CCDC62: variants seen among roughly 807,000 people sequenced by gnomAD.
CCDC62 encodes coiled-coil domain-containing protein 62.
CCDC62 carries 72 observed loss-of-function variants against 80.8 expected under a neutral mutation model. The ratio of observed to expected loss-of-function variants is 0.89; its 90% CI spans 0.74 to 1.08. CCDC62 has a LOEUF of 1.08. CCDC62 is among the 50% of genes least tolerant of loss of function. CCDC62 has a pLI of 0.00. For synonymous variants in CCDC62, 286 were observed against 296.5 expected (o/e 0.96, Z 0.36); for missense variants, 704 against 809.4 (o/e 0.87, Z 1.58).
At chr12:122,810,161 C>T (rs1266685540) in intron 10 of CCDC62, among the ~76,000 whole-genome samples, 7 of 151,562 alleles carry the variant, frequency 4.6e-5, no homozygotes, top group East Asian at 1.9e-4. Context: ...AAGCCAAAAT[C>T]GGCAAATGGG....
Position 122,777,693 on chromosome 12 carries a change from A to G in CCDC62, c.229+10A>G. ...TGCAGCAAATTAGAAGGTCAGAAAT[A>G]CATTCAGGGACAACAGTTATGCACT... is the stretch of plus-strand genomic sequence containing the variant. On this transcript the variant is annotated intron_variant, in intron 2 of 12. Coordinates refer to ENST00000253079, the MANE Select transcript of CCDC62 (RefSeq NM_201435.5). 1 of 1,611,118 alleles carries G rather than the reference A, an allele frequency of 6.2e-7. No individual in the cohort carries two copies. Among genetic ancestry groups the G allele is most frequent in the East Asian group, 2.2e-5 (1 of 44,854 alleles).
intron 5 of CCDC62, 72 bp from the exon 6 acceptor site, chr12:122,791,946 GTT>G (rs2030635665): frequency 1.0e-5 from 10 of 971,838 alleles, no homozygotes; most frequent in Non-Finnish European, 1.6e-5. Flanking sequence ...GGATGTGAGA[GTT>G]AGGCATAGTG....
At chr12:122,779,091 G>A (rs904035908) in intron 2 of CCDC62, among the ~76,000 whole-genome samples, 7 of 152,248 alleles carry the variant, frequency 4.6e-5, no homozygotes, top group Admixed American at 2.0e-4. Flanking sequence ...CACATTATAT[G>A]TAGCCATCAG....
intron 2 of CCDC62, among the ~76,000 whole-genome samples, chr12:122,780,266 G>A (rs547131066): frequency 1.3e-5 from 2 of 148,468 alleles, no homozygotes; most frequent in African/African-American, 5.0e-5. Context: ...AGCCGAGATC[G>A]TGCCGTTGCC....
intron 5 of CCDC62, among the ~76,000 whole-genome samples, 164 bp from the exon 6 acceptor site, chr12:122,791,856 G>C (rs909168060): frequency 3.3e-5 from 5 of 152,212 alleles, no homozygotes; most frequent in African/African-American, 1.2e-4. Flanking sequence ...CTCCAACCAG[G>C]GGTCCTTGCC....
intron 2 of CCDC62, 138 bp downstream of exon 2, chr12:122,777,821 C>A: frequency 1.4e-6 from 1 of 716,418 alleles, no homozygotes. Context: ...GACAGGAGGA[C>A]TTTATGAACA....
In CCDC62 at chr12:122,792,098, T is replaced by A; in HGVS notation, c.749T>A (p.Leu250Gln). The A allele has an allele frequency of 6.2e-7, 1 of 1,612,088 alleles. No individual in the cohort carries two copies. The highest frequency in any genetic ancestry group is 1.3e-5 in the African/African-American group (1 of 75,014). ...CGCCTCAAGCAAGAGAAAAGTTGCC[T>A]GCACGATGAATTGCTTTTTACTGGT... ...IIRLKQEKSC[L>Q]HDELLFTVER... is the part of the protein sequence containing the mutation. Residue 250 changes from leucine (L) to glutamine (Q), a missense_variant, in exon 6 of 13, where the codon CTG becomes CAG. By Grantham distance (113) the Leu-to-Gln change is moderately radical. Coordinates refer to ENST00000253079, the MANE Select transcript of CCDC62 (RefSeq NM_201435.5).
intron 8 of CCDC62, among the ~76,000 whole-genome samples, chr12:122,799,993 T>C (rs976700753): frequency 6.6e-6 from 1 of 152,038 alleles, no homozygotes; most frequent in Non-Finnish European, 1.5e-5. Flanking sequence ...ACTGGCTCTT[T>C]CTTCTTTTTC....
rs753064099 is a variant in CCDC62 at position 122,813,285 on chromosome 12, C to T, written c.1867C>T (p.Pro623Ser). Reference sequence around the variant, plus strand: ...TTTCCTGTAGGCTTCAATTGTGTTACCCTCCCAGGATGATTTCTCGCCCAC... The same window carrying T: ...TTTCCTGTAGGCTTCAATTGTGTTATCCTCCCAGGATGATTTCTCGCCCAC... The part of the protein sequence containing the change: ...AFNEKASIVL[P>S]SQDDFSPTSK... Residue 623 changes from proline (P) to serine (S), a missense_variant, in exon 11 of 13, where the codon CCC (proline) becomes TCC (serine). Coordinates refer to ENST00000253079, the MANE Select transcript of CCDC62 (RefSeq NM_201435.5). 2 of 1,610,988 alleles carry T rather than the reference C, an allele frequency of 1.2e-6. No individual in the cohort carries two copies. Among genetic ancestry groups the T allele is most frequent in the South Asian group, 2.2e-5 (2 of 90,668 alleles).
At chr12:122,826,358 G>A in intron 12 of CCDC62, 64 bp from the exon 13 acceptor site, 3 of 761,594 alleles carry the variant, frequency 3.9e-6, no homozygotes, top group Admixed American at 1.8e-5. Flanking sequence ...GGAGCTTATA[G>A]CATGCTCTCC....
At chr12:122,819,083 C>A (rs929961772) in intron 11 of CCDC62, among the ~76,000 whole-genome samples, 1 of 152,072 alleles carries the variant, frequency 6.6e-6, no homozygotes, top group Non-Finnish European at 1.5e-5. Flanking sequence ...ACTGTTGGCT[C>A]CAGATATCAT....
intron 11 of CCDC62, among the ~76,000 whole-genome samples, chr12:122,815,445 G>A (rs906621274): frequency 6.7e-6 from 1 of 148,628 alleles, no homozygotes; most frequent in African/African-American, 2.5e-5. Context: ...AACTTAACAG[G>A]TTTTTTTTTT....
intron 10 of CCDC62, among the ~76,000 whole-genome samples, chr12:122,807,839 A>C (rs1263041329): frequency 6.6e-6 from 1 of 152,136 alleles, no homozygotes; most frequent in African/African-American, 2.4e-5. Flanking sequence ...CTTTTCTAGA[A>C]TTTTATATAA....
chr12:122,777,551 C>G lies in CCDC62; in HGVS notation c.97C>G (p.Leu33Val). Residue 33 changes from leucine to valine, a missense_variant, in exon 2 of 13, where the codon CTC (leucine) becomes GTC (valine). Leu to Val is a conservative substitution (Grantham distance 32). Transcript: ENST00000253079. ...GAAACAACGGAAGGAGCTGCAGTTG[C>G]TCATTGGAGAATTAAAAGATCGAGA... ...IEKQRKELQL[L>V]IGELKDRDKE... is the part of the protein sequence containing the mutation. 2 of 1,614,054 alleles carry G rather than the reference C, an allele frequency of 1.2e-6. No homozygotes were observed. Among genetic ancestry groups the G allele is most frequent in the Non-Finnish European group, 1.7e-6 (2 of 1,179,974 alleles).
At chr12:122,800,575 G>C (rs1402076733) in intron 8 of CCDC62, among the ~76,000 whole-genome samples, 3 of 151,822 alleles carry the variant, frequency 2.0e-5, no homozygotes, top group African/African-American at 7.3e-5. Context: ...ATACAGGCCT[G>C]CGCCACCACG....
intron 12 of CCDC62, 34 bp downstream of exon 12, chr12:122,823,493 C>A: frequency 1.0e-6 from 1 of 986,186 alleles, no homozygotes; most frequent in South Asian, 1.3e-5. Context: ...CCTTATATCT[C>A]AATTAATATT....
intron 8 of CCDC62, among the ~76,000 whole-genome samples, chr12:122,800,673 C>T (rs1431197937): frequency 4.6e-5 from 7 of 151,998 alleles, no homozygotes; most frequent in Admixed American, 1.3e-4. Flanking sequence ...GTGATCCACC[C>T]GCCTCAGCCT....
In CCDC62 at chr12:122,801,451, A is replaced by C; in HGVS notation, c.1305A>C (p.Pro435=). The change falls in exon 9 of 13, where the codon CCA becomes CCC. Residue 435 remains proline, a synonymous_variant. Coordinates refer to ENST00000253079, the MANE Select transcript of CCDC62 (RefSeq NM_201435.5). The part of the protein sequence containing the change: ...ITLCKIHTKS[P]KCHGTGVQNE... ...TGTGCAAGATCCACACAAAATCACCAAAATGTCATGGCACTGGGGTTCAGA... is the reference window on the plus strand; with the variant it reads ...TGTGCAAGATCCACACAAAATCACCCAAATGTCATGGCACTGGGGTTCAGA... 9 of 1,614,144 alleles carry C rather than the reference A, an allele frequency of 5.6e-6. No individual in the cohort carries two copies. Among genetic ancestry groups the C allele is most frequent in the Non-Finnish European group, 7.6e-6 (9 of 1,180,020 alleles).
chr12:122,812,940 A>C (rs535954931), intron 10 of CCDC62, among the ~76,000 whole-genome samples: 1 of 151,096 alleles, frequency 6.6e-6, no homozygotes, highest in South Asian at 2.1e-4. Flanking sequence ...GCTCACGCCT[A>C]TAACCCCAGC....
Sources: allele counts gnomAD v4.1 joint callset (sites outside exome capture counted in the v4.1 genomes callset), GRCh38; gene constraint gnomAD v4.1.1; transcripts MANE v1.5; gene names NCBI Gene and HGNC (gene_info 2026-07-23, HGNC 2026-07-21).